Variants in F5 observed in about 807,000 individuals in gnomAD.
F5 encodes the protein activated protein c cofactor.
A neutral mutation model predicts 216.4 loss-of-function variants in F5; 138 were observed. The ratio of observed to expected loss-of-function variants is 0.64; its 90% confidence interval spans 0.56 to 0.73. The LOEUF (loss-of-function observed/expected upper bound fraction) is 0.73, where lower values mean the gene tolerates loss of function less well. Ranked by LOEUF, F5 falls within the 30% of genes least tolerant of loss-of-function variation. The pLI is 0.00. For missense variants in F5, 2,403 were observed against 2,674.0 expected, an observed-to-expected ratio of 0.90 and a Z score of 2.24; for synonymous variants, 916 against 930.7, an observed-to-expected ratio of 0.98 and a Z score of 0.29.
chr1:169,577,214 CAGA>C (rs1231125786), intron 2 of F5, among the ~76,000 whole-genome samples: 2 of 152,000 alleles, frequency 1.3e-5, no homozygotes, highest in African/African-American at 2.4e-5. Context: ...GAAAGGACTG[CAGA>C]AGGTCAACTA....
At chr1:169,524,107 C>G (rs1035859011) in intron 19 of F5, among the ~76,000 whole-genome samples, 4 of 152,172 alleles carry the variant, frequency 2.6e-5, no homozygotes, top group African/African-American at 9.7e-5. Context: ...TGCCAACCAC[C>G]TCCTATCCCC....
chr1:169,544,193 A>G, intron 12 of F5, 103 bp downstream of exon 12: 2 of 889,494 alleles, frequency 2.2e-6, no homozygotes, highest in Non-Finnish European at 3.7e-6. Context: ...GGGGTCAGGG[A>G]GATACATAGA....
intron 2 of F5, among the ~76,000 whole-genome samples, chr1:169,580,392 T>G (rs959818106): frequency 0.011 from 1,718 of 151,910 alleles, 44 homozygotes; most frequent in African/African-American, 0.038. Flanking sequence ...GTTGTTGTTT[T>G]TTTTTTTTTG....
At chr1:169,571,016 A>T (rs1338853066) in intron 3 of F5, among the ~76,000 whole-genome samples, 6 of 151,412 alleles carry the variant, frequency 4.0e-5, no homozygotes, top group African/African-American at 1.5e-4. Context: ...TATTCTCTCA[A>T]AGGTATGATG....
rs1341676886 is a variant in F5 at position 169,540,439 on chromosome 1, T to C, written c.4651A>G (p.Lys1551Glu). ...TTGATGTTTGTCCTAACATCAGTTT[T>C]GTAGGGGTCATCATAGGGCACATAA... Reference protein sequence around the residue: ...IDYVPYDDPYKTDVRTNINSS... With the variant: ...IDYVPYDDPYETDVRTNINSS... Residue 1551 changes from lysine (K) to glutamate (E), a missense_variant, in exon 13 of 25, where the codon AAA becomes GAA. Physicochemically the swap from Lys to Glu is moderately conservative, Grantham distance 56. Around this residue, in one of 4 missense-constraint regions of F5, gnomAD observed 293 missense variants for 270.8 expected, o/e 1.08. Transcript: ENST00000367797. The C allele has an allele frequency of 6.2e-7, 1 of 1,614,010 alleles. No individual in the cohort carries two copies. The highest frequency in any genetic ancestry group is 8.5e-7 in the Non-Finnish European group (1 of 1,179,948).
Position 169,540,453 on chromosome 1 carries a change from T to C in F5, c.4637A>G (p.Tyr1546Cys), listed in dbSNP as rs200308026. 8 of 1,614,018 alleles carry C rather than the reference T, an allele frequency of 5.0e-6. No individual in the cohort carries two copies. Among genetic ancestry groups the C allele is most frequent in the African/African-American group, 1.3e-5 (1 of 75,040 alleles). The change falls in exon 13 of 25, where the codon TAT becomes TGT. Residue 1546 changes from tyrosine (Y) to cysteine (C), a missense_variant. Transcript: ENST00000367797. ...AACATCAGTTTTGTAGGGGTCATCA[T>C]AGGGCACATAATCAATTTCAGCATA... is the stretch of plus-strand genomic sequence containing the variant. The part of the protein sequence containing the change: ...DDYAEIDYVP[Y>C]DDPYKTDVRT...
intron 11 of F5, among the ~76,000 whole-genome samples, chr1:169,544,952 A>G (rs1659964358): frequency 6.6e-6 from 1 of 152,226 alleles, no homozygotes; most frequent in African/African-American, 2.4e-5. Context: ...TTGCTGTCTT[A>G]TAATCTACAT....
chr1:169,557,578 C>T (rs1464491366), intron 5 of F5, among the ~76,000 whole-genome samples: 1 of 152,006 alleles, frequency 6.6e-6, no homozygotes, highest in African/African-American at 2.4e-5. Context: ...AATATAAAAA[C>T]TTAGTTTTGC....
intron 2 of F5, among the ~76,000 whole-genome samples, chr1:169,573,415 T>C (rs1239895432): frequency 6.6e-6 from 1 of 151,740 alleles, no homozygotes; most frequent in South Asian, 2.1e-4. Flanking sequence ...TTAGGCAGTA[T>C]AGGAAAGAGA....
Position 169,555,357 on chromosome 1 carries a change from G to C in F5, c.953-10C>G, listed in dbSNP as rs541800681. On this transcript the variant is annotated splice_polypyrimidine_tract_variant and intron_variant, in intron 6 of 24. Transcript: ENST00000367797. ...TAAGCCTGCATCCCAGCTGAGTTAGGACAGAAAGACAATGAAATAACTCAA... is the reference window on the plus strand; with the variant it reads ...TAAGCCTGCATCCCAGCTGAGTTAGCACAGAAAGACAATGAAATAACTCAA... The C allele has an allele frequency of 1.9e-6, 3 of 1,613,724 alleles. No homozygotes were observed. The highest frequency in any genetic ancestry group is 1.3e-5 in the African/African-American group (1 of 74,986).
chr1:169,547,059 G>A (rs1040326384), intron 10 of F5, among the ~76,000 whole-genome samples: 2 of 152,040 alleles, frequency 1.3e-5, no homozygotes, highest in East Asian at 1.9e-4. Context: ...TCGGGAGGCC[G>A]AGGGGCCGAG....
At chr1:169,549,610 T>C (rs1660112601) in intron 10 of F5, among the ~76,000 whole-genome samples, 191 bp downstream of exon 10, 1 of 148,544 alleles carries the variant, frequency 6.7e-6, no homozygotes, top group Non-Finnish European at 1.5e-5. Context: ...TCGGCAGTGA[T>C]GGTACTGATA....
intron 1 of F5, among the ~76,000 whole-genome samples, chr1:169,585,342 A>G (rs1464553178): frequency 6.6e-6 from 1 of 152,218 alleles, no homozygotes. Context: ...TTGGTTTTGT[A>G]ATTGTAAAAG....
At chr1:169,526,894 AT>A (rs1449943568) in intron 17 of F5, among the ~76,000 whole-genome samples, 1 of 151,116 alleles carries the variant, frequency 6.6e-6, no homozygotes, top group Non-Finnish European at 1.5e-5. Context: ...TTAATATGAT[AT>A]TAATATAATA....
At chr1:169,538,433 A>G (rs1659756551) in intron 13 of F5, among the ~76,000 whole-genome samples, 2 of 152,200 alleles carry the variant, frequency 1.3e-5, no homozygotes, top group Non-Finnish European at 2.9e-5. Flanking sequence ...TAATAACAAC[A>G]CACTGAATTT....
intron 12 of F5, among the ~76,000 whole-genome samples, chr1:169,543,923 T>TA (rs1220677547): frequency 2.6e-5 from 4 of 152,214 alleles, no homozygotes; most frequent in Admixed American, 6.5e-5. Context: ...AAGCAGCCTT[T>TA]AAGGCACTGT....
rs1192413830 is a variant in F5, at chr1:169,541,700, G to A, written c.3390C>T (p.Phe1130=). The A allele has an allele frequency of 6.2e-7, 1 of 1,614,104 alleles. No individual in the cohort carries two copies. The highest frequency in any genetic ancestry group is 1.1e-5 in the South Asian group (1 of 91,082). The change falls in exon 13 of 25, where the codon TTC becomes TTT. Residue 1130 remains phenylalanine, a synonymous_variant. Coordinates refer to ENST00000367797, the MANE Select transcript of F5 (RefSeq NM_000130.5). ...GCATTTGATCAGGGTCTTGAATGGG[G>A]AATGTTTGATAGTGTTCCTCTGGGG... The part of the protein sequence containing the change: ...TVPPEEHYQT[F]PIQDPDQMHS...
chr1:169,533,970 C>T (rs1314645640), intron 14 of F5, among the ~76,000 whole-genome samples: 1 of 152,026 alleles, frequency 6.6e-6, no homozygotes, highest in Non-Finnish European at 1.5e-5. Context: ...AGCAGACAGC[C>T]CGGCGCCACA....
intron 5 of F5, among the ~76,000 whole-genome samples, chr1:169,557,515 C>T (rs1375810976): frequency 6.6e-6 from 1 of 152,080 alleles, no homozygotes; most frequent in African/African-American, 2.4e-5. Flanking sequence ...GTGTACAAGT[C>T]CTCATTATGC....
Sources: allele counts gnomAD v4.1 joint callset (sites outside exome capture counted in the v4.1 genomes callset), GRCh38; gene constraint gnomAD v4.1.1; regional missense constraint gnomAD v4.1.1; transcripts MANE v1.5; gene names NCBI Gene and HGNC (gene_info 2026-07-23, HGNC 2026-07-21).